Variants in MARCHF1 observed in about 807,000 individuals in gnomAD.
MARCHF1 encodes E3 ubiquitin-protein ligase MARCHF1.
A neutral mutation model predicts 54.2 loss-of-function variants in MARCHF1; 40 were observed. The ratio of observed to expected loss-of-function variants is 0.74; its 90% CI spans 0.57 to 0.96. MARCHF1 has a LOEUF of 0.96. Ranked by LOEUF, MARCHF1 falls within the 40% of genes least tolerant of loss-of-function variation. MARCHF1 has a pLI of 0.00. For synonymous variants in MARCHF1, 236 were observed against 236.3 expected (o/e 1.00, Z 0.01); for missense variants, 586 against 656.5 (o/e 0.89, Z 1.17).
chr4:163,527,675 T>TACTC lies in MARCHF1; in HGVS notation c.*1069_*1072dup, dbSNP rs1315820114. The TACTC allele has an allele frequency of 1.3e-5, 2 of 152,030 alleles. No homozygotes were observed. The highest frequency in any genetic ancestry group is 2.9e-5 in the Non-Finnish European group (2 of 67,950). 9.4% of individuals were successfully genotyped at this position (152,030 alleles called of 1,614,324 possible). ...AAGAATGAATTAAACTGTTTTGAAA[T>TACTC]ACTCAACAACTGTTAAATAAAGCAG... On this transcript the variant is annotated 3_prime_UTR_variant, in exon 10 of 10. Transcript: ENST00000514618.
At chr4:163,980,212 G>A (rs1470017291) in intron 3 of MARCHF1, among the ~76,000 whole-genome samples, 10 of 138,772 alleles carry the variant, frequency 7.2e-5, no homozygotes, top group Admixed American at 1.5e-4. Flanking sequence ...AAATAACGCC[G>A]CATACCTACA....
At chr4:164,301,838 T>G (rs1734569403) in intron 1 of MARCHF1, among the ~76,000 whole-genome samples, 1 of 152,130 alleles carries the variant, frequency 6.6e-6, no homozygotes, top group Non-Finnish European at 1.5e-5. Flanking sequence ...TTTGGCTGAC[T>G]TTGACAGAGG....
intron 3 of MARCHF1, among the ~76,000 whole-genome samples, chr4:163,948,311 A>G (rs1446411984): frequency 1.3e-5 from 2 of 152,244 alleles, no homozygotes; most frequent in East Asian, 3.8e-4. Context: ...CTAATTGTAG[A>G]TGTCCCAATA....
At chr4:163,853,062 C>T (rs569017624) in intron 4 of MARCHF1, among the ~76,000 whole-genome samples, 108 of 152,278 alleles carry the variant, frequency 7.1e-4, no homozygotes, top group African/African-American at 2.5e-3. Context: ...TAATCTTGGA[C>T]TCCAGACTTT....
At chr4:163,986,823 T>C (rs1341291692) in intron 3 of MARCHF1, among the ~76,000 whole-genome samples, 2 of 152,202 alleles carry the variant, frequency 1.3e-5, no homozygotes, top group Admixed American at 6.5e-5. Flanking sequence ...CATCTCAATT[T>C]ATCTAATTCA....
intron 8 of MARCHF1, among the ~76,000 whole-genome samples, chr4:163,563,470 A>T (rs1739538861): frequency 6.6e-6 from 1 of 152,224 alleles, no homozygotes; most frequent in East Asian, 1.9e-4. Context: ...ATTCAAAACC[A>T]GTTTCAACTA....
chr4:163,900,278 A>C (rs1022294724), intron 3 of MARCHF1, among the ~76,000 whole-genome samples: 3 of 152,126 alleles, frequency 2.0e-5, no homozygotes, highest in Admixed American at 2.0e-4. Context: ...CAAATTAAAA[A>C]AATATTTAGG....
At chr4:163,648,841 C>T (rs1286587614) in intron 5 of MARCHF1, among the ~76,000 whole-genome samples, 1 of 151,588 alleles carries the variant, frequency 6.6e-6, no homozygotes, top group Non-Finnish European at 1.5e-5. Flanking sequence ...TGCAAACGCA[C>T]AATGACAACA....
At chr4:163,849,711 T>C (rs190888998) in intron 4 of MARCHF1, among the ~76,000 whole-genome samples, 2 of 152,290 alleles carry the variant, frequency 1.3e-5, no homozygotes, top group East Asian at 3.9e-4. Flanking sequence ...TTCTCTTCTC[T>C]GATAAATTCA....
In MARCHF1 at chr4:163,612,271, C is replaced by T; in HGVS notation, c.1010G>A (p.Arg337Lys). The T allele has an allele frequency of 2.0e-6, 3 of 1,493,680 alleles. No individual in the cohort carries two copies. The highest frequency in any genetic ancestry group is 2.7e-6 in the Non-Finnish European group (3 of 1,130,958). The allele number at this position is 1,493,680 out of a possible 1,614,324, so 92.5% of individuals were successfully genotyped here. ...DDGSDNLEVC[R>K]ICHCEGDEES... ...CAAGCCTTTCTCTACAGTGACTGAC[C>T]TGCATACTTCTAAATTATCAGACCC... Residue 337 changes from arginine (R) to lysine (K), a missense_variant and splice_region_variant, in exon 7 of 10, where the codon AGA becomes AAA. By Grantham distance (26) the Arg-to-Lys change is conservative (BLOSUM62 2). Transcript: ENST00000514618.
intron 2 of MARCHF1, among the ~76,000 whole-genome samples, chr4:164,050,275 C>CAGAAAAAAAAA (rs1754334487): frequency 4.0e-4 from 16 of 40,166 alleles, no homozygotes; most frequent in Non-Finnish European, 5.0e-4. Context: ...ACACTGTCTC[C>CAGAAAAAAAAA]AAAAAAAAAA....
At chr4:163,818,605 C>T (rs942523617) in intron 4 of MARCHF1, among the ~76,000 whole-genome samples, 2 of 152,130 alleles carry the variant, frequency 1.3e-5, no homozygotes, top group Non-Finnish European at 2.9e-5. Flanking sequence ...TGAACCCAGC[C>T]TTTTATCTGT....
chr4:164,146,554 G>C (rs1033697867), intron 1 of MARCHF1, among the ~76,000 whole-genome samples: 3 of 152,046 alleles, frequency 2.0e-5, no homozygotes, highest in African/African-American at 4.8e-5. Flanking sequence ...ACAAACCTGA[G>C]AAAAACAAGC....
chr4:163,735,476 C>T (rs981782104), intron 4 of MARCHF1, among the ~76,000 whole-genome samples: 3 of 152,084 alleles, frequency 2.0e-5, no homozygotes, highest in Non-Finnish European at 2.9e-5. Context: ...AACAGAGTAG[C>T]TGAGACTAGG....
chr4:163,876,442 C>G (rs1277957052), intron 3 of MARCHF1, among the ~76,000 whole-genome samples: 2 of 152,154 alleles, frequency 1.3e-5, no homozygotes, highest in Admixed American at 6.5e-5. Context: ...TGTTTCTTCC[C>G]TCCAACTACT....
chr4:164,083,936 C>T (rs920527547), intron 2 of MARCHF1, among the ~76,000 whole-genome samples: 27 of 151,956 alleles, frequency 1.8e-4, no homozygotes, highest in African/African-American at 6.3e-4. Flanking sequence ...CTATTTTAAC[C>T]TAGAGATATA....
chr4:163,962,042 TACTC>T (rs1326967939), intron 3 of MARCHF1, among the ~76,000 whole-genome samples: 1 of 152,000 alleles, frequency 6.6e-6, no homozygotes, highest in Non-Finnish European at 1.5e-5. Context: ...AAATAGGACT[TACTC>T]TAACTTGCAA....
At position 163,907,305 on chromosome 4, in the gene MARCHF1, T is replaced by C. The variant is rs181528238; in HGVS notation, c.-38-53136A>G. Among the ~76,000 whole-genome samples the C allele has an allele frequency of 1.1e-3, 173 of 152,218 alleles. No individual in the cohort carries two copies. The Middle Eastern group carries it at 0.024, about 21-fold the overall frequency. On this transcript the variant is annotated intron_variant, in intron 3 of 9. Coordinates refer to ENST00000514618, the MANE Select transcript of MARCHF1 (RefSeq NM_001394959.1). ...TTTTTATGTCTCAGTAAAAGGTTGTTGGTTTTACATGTTTGTGTAATTTTG... is the reference window on the plus strand; with the variant it reads ...TTTTTATGTCTCAGTAAAAGGTTGTCGGTTTTACATGTTTGTGTAATTTTG...
Position 163,528,806 on chromosome 4 carries a change from G to T in MARCHF1, c.1580C>A (p.Thr527Lys). Residue 527 changes from threonine to lysine, a missense_variant, in exon 10 of 10, where the codon ACA (threonine) becomes AAA (lysine). By Grantham distance (78) the Thr-to-Lys change is moderately conservative. This residue lies in a region of MARCHF1 where 106 missense variants were observed against 93.8 expected (regional missense o/e 1.13). Transcript: ENST00000514618. ...KDAVVVPVPQ[T>K]GANSLPSAEG... ...TGCAGATGGCAGTGAATTTGCACCTGTTTGTGGTACAGGCACTACCACAGC... is the reference window on the plus strand; with the variant it reads ...TGCAGATGGCAGTGAATTTGCACCTTTTTGTGGTACAGGCACTACCACAGC... The T allele has an allele frequency of 6.2e-7, 1 of 1,613,210 alleles. No homozygotes were observed. Among genetic ancestry groups the T allele is most frequent in the Non-Finnish European group, 8.5e-7 (1 of 1,179,448 alleles).
Sources: gnomAD v4.1 joint callset for allele counts (sites outside exome capture counted in the v4.1 genomes callset) on GRCh38, gnomAD v4.1.1 for gene constraint, gnomAD v4.1.1 regional missense constraint, MANE v1.5 for transcripts, NCBI Gene and HGNC (gene_info 2026-07-23, HGNC 2026-07-21) for gene names.